The following ARID5B variants were observed in gnomAD, a reference collection of about 807,000 sequenced individuals.
ARID5B encodes the protein AT-rich interaction domain 5B.
ARID5B carries 13 observed loss-of-function variants against 97.2 expected under a neutral mutation model. The ratio of observed to expected loss-of-function variants is 0.13; its 90% CI spans 0.09 to 0.21. ARID5B has a LOEUF of 0.21. Among genes scored for constraint, ARID5B ranks in the 10% least tolerant of loss-of-function variants. The probability of loss-of-function intolerance (pLI) is 1.00; values close to 1 mark genes in which losing one functional copy is unlikely to be tolerated. For synonymous variants in ARID5B, 556 were observed against 570.3 expected, an observed-to-expected ratio of 0.97 and a Z score of 0.36; for missense variants, 1,210 against 1,465.3, an observed-to-expected ratio of 0.83 and a Z score of 2.84.
chr10:61,930,845 G>T (rs1844197630), intron 2 of ARID5B, among the ~76,000 whole-genome samples: 2 of 151,992 alleles, frequency 1.3e-5, no homozygotes. Flanking sequence ...CTCCTTTTGG[G>T]AACTGAGTAT....
intron 8 of ARID5B, among the ~76,000 whole-genome samples, chr10:62,075,134 G>C (rs983487616): frequency 1.3e-5 from 2 of 152,174 alleles, no homozygotes; most frequent in African/African-American, 4.8e-5. Context: ...ATGAGTGCAG[G>C]GGCCACGGCT....
intron 4 of ARID5B, among the ~76,000 whole-genome samples, chr10:62,004,936 G>A (rs1160282999): frequency 6.6e-6 from 1 of 152,182 alleles, no homozygotes; most frequent in East Asian, 1.9e-4. Flanking sequence ...AATTATTCAA[G>A]GTGTGTGGTA....
At position 62,057,271 on chromosome 10, in the gene ARID5B, A is replaced by G. The variant is rs1839869516; in HGVS notation, c.1001A>G (p.Glu334Gly). 1 of 1,613,800 alleles carries G rather than the reference A, an allele frequency of 6.2e-7. No homozygotes were observed. The highest frequency in any genetic ancestry group is 1.7e-5 in the Admixed American group (1 of 60,002). The change falls in exon 6 of 10, where the codon GAA (glutamate) becomes GGA (glycine). Residue 334 changes from glutamate (E) to glycine (G), a missense_variant. By Grantham distance (98) the Glu-to-Gly change is moderately conservative. Around this residue, in one of 8 missense-constraint regions of ARID5B, gnomAD observed 59 missense variants for 156.7 expected, o/e 0.38. Transcript: ENST00000279873. ...GTGGCACTTTATAAATACATGAAAG[A>G]AAGGAAAACGCCGATAGAACGAATA... The part of the protein sequence containing the change: ...FLVALYKYMK[E>G]RKTPIERIPY...
At chr10:61,990,637 C>T (rs1416767861) in intron 3 of ARID5B, among the ~76,000 whole-genome samples, 2 of 152,204 alleles carry the variant, frequency 1.3e-5, no homozygotes, top group African/African-American at 4.8e-5. Context: ...AGGATATATT[C>T]TAGTTGTGGA....
chr10:62,041,285 A>G (rs1839634390), intron 4 of ARID5B, among the ~76,000 whole-genome samples: 1 of 152,184 alleles, frequency 6.6e-6, no homozygotes, highest in Non-Finnish European at 1.5e-5. Flanking sequence ...ACCTGCACAA[A>G]CAAATGAAGC....
chr10:62,036,443 C>G (rs1488783207), intron 4 of ARID5B, among the ~76,000 whole-genome samples: 1 of 152,160 alleles, frequency 6.6e-6, no homozygotes, highest in Non-Finnish European at 1.5e-5. Flanking sequence ...AGAGCACTTT[C>G]CTGATGGCTT....
chr10:62,077,869 C>G (rs1299047558), intron 8 of ARID5B, among the ~76,000 whole-genome samples: 2 of 151,942 alleles, frequency 1.3e-5, no homozygotes, highest in African/African-American at 4.8e-5. Flanking sequence ...GATGCCTTCA[C>G]AAAGGAACTA....
rs551554473 is a variant in ARID5B, at chr10:61,989,075, A to G, written c.503-11016A>G. On this transcript the variant is annotated intron_variant, in intron 3 of 9. Coordinates refer to ENST00000279873, the MANE Select transcript of ARID5B (RefSeq NM_032199.3). The stretch of plus-strand genomic sequence containing the variant: ...CTCCCAAGTAGCTGGGACTACAGGC[A>G]TGTGCCACCATGCCTGGCTAATTTT... Among the ~76,000 whole-genome samples, 218 of 151,570 alleles carry G rather than the reference A, an allele frequency of 1.4e-3. 6 individuals carry two copies. In the South Asian group the frequency reaches 0.044, roughly 30 times the overall value.
Position 62,092,086 on chromosome 10 carries a change from C to T in ARID5B, c.2623C>T (p.His875Tyr). 6.2e-7 allele frequency: 1 copy of T among 1,613,648 alleles called. No individual in the cohort carries two copies. The highest frequency in any genetic ancestry group is 1.1e-5 in the South Asian group (1 of 91,008). The change falls in exon 10 of 10, where the codon CAC (histidine) becomes TAC (tyrosine). Residue 875 changes from histidine to tyrosine, a missense_variant. Transcript: ENST00000279873. ...SENSSFPSHR[H>Y]QEKLHVNYLT... is the part of the protein sequence containing the mutation. ...AAACAGTTCTTTTCCTTCCCACAGA[C>T]ACCAAGAAAAGCTCCATGTAAATTA...
At chr10:61,974,601 G>A (rs1838674423) in intron 3 of ARID5B, among the ~76,000 whole-genome samples, 2 of 152,112 alleles carry the variant, frequency 1.3e-5, no homozygotes, top group South Asian at 4.1e-4. Context: ...TGGATAAAAA[G>A]TACAGCTTTA....
Position 62,000,088 on chromosome 10 carries a change from T to C in ARID5B, c.503-3T>C, listed in dbSNP as rs1236676782. Reference sequence around the variant, plus strand: ...TAATGGAAGTGTTTTCTCGTTTGTCTAGGGGAGGACGAGGAAGAAACGAAC... The same window carrying C: ...TAATGGAAGTGTTTTCTCGTTTGTCCAGGGGAGGACGAGGAAGAAACGAAC... On this transcript the variant is annotated splice_polypyrimidine_tract_variant and splice_region_variant and intron_variant, in intron 3 of 9. Transcript: ENST00000279873. This position sits in a 1 kb window ranked among gnomAD's most constrained non-coding sequence, Gnocchi z 4.4. 2 of 1,613,714 alleles carry C rather than the reference T, an allele frequency of 1.2e-6. No individual in the cohort carries two copies. Among genetic ancestry groups the C allele is most frequent in the Non-Finnish European group, 1.7e-6 (2 of 1,179,718 alleles).
chr10:62,016,326 T>C (rs1262023947), intron 4 of ARID5B, among the ~76,000 whole-genome samples: 1 of 152,216 alleles, frequency 6.6e-6, no homozygotes, highest in African/African-American at 2.4e-5. Flanking sequence ...ACCTCTGATA[T>C]AGACCAATGA....
rs147405030 is a variant in ARID5B at position 62,020,066 on chromosome 10, G to T, written c.733+19745G>T. ...AAAGAGGCTACCCTAACTTTCTGGC[G>T]AGGAGTCTTGAGTAGAAGGGAGGTG... is the stretch of plus-strand genomic sequence containing the variant. On this transcript the variant is annotated intron_variant, in intron 4 of 9. Transcript: ENST00000279873. Among the ~76,000 whole-genome samples, 240 of 152,220 alleles carry T rather than the reference G, an allele frequency of 1.6e-3. 1 individual carries two copies. The highest frequency in any genetic ancestry group is 5.4e-3 in the African/African-American group (224 of 41,524).
chr10:61,971,058 AC>A (rs1393483161), intron 3 of ARID5B, among the ~76,000 whole-genome samples: 1 of 151,712 alleles, frequency 6.6e-6, no homozygotes, highest in African/African-American at 2.4e-5. Context: ...TAAAATAGAG[AC>A]CCTGAAACAG....
chr10:62,016,770 A>G (rs78538882), intron 4 of ARID5B, among the ~76,000 whole-genome samples: 3,500 of 152,116 alleles, frequency 0.023, 201 homozygotes, highest in Admixed American at 0.14. Flanking sequence ...ACTATTTTCA[A>G]CTCCTGTTAG....
At chr10:61,925,369 ATCT>A (rs2132775558) in intron 2 of ARID5B, among the ~76,000 whole-genome samples, 1 of 152,156 alleles carries the variant, frequency 6.6e-6, no homozygotes, top group African/African-American at 2.4e-5. Flanking sequence ...GGGCTCATTT[ATCT>A]TCTTTGTTAA....
At position 62,049,202 on chromosome 10, in the gene ARID5B, G is replaced by T. The variant is rs1589274108; in HGVS notation, c.734-1686G>T. 4 of 1,320,010 alleles carry T rather than the reference G, an allele frequency of 3.0e-6. No homozygotes were observed. The East Asian group carries it at 1.2e-4, about 41-fold the overall frequency. The allele number at this position is 1,320,010 out of a possible 1,614,324, so 81.8% of individuals were successfully genotyped here. A position where few individuals can be genotyped will look rare whatever the true frequency, so the allele number is the denominator to read the frequency against. ...AATCACCATCTCCGTGCGGGGAGGT[G>T]GAGAGAGCAGAGCCCTCCCTGCCAG... On this transcript the variant is annotated intron_variant, in intron 4 of 9. Coordinates refer to ENST00000279873, the MANE Select transcript of ARID5B (RefSeq NM_032199.3).
chr10:61,982,340 C>T (rs1838788159), intron 3 of ARID5B, among the ~76,000 whole-genome samples: 1 of 152,180 alleles, frequency 6.6e-6, no homozygotes, highest in Non-Finnish European at 1.5e-5. Context: ...CCCTTTTCTT[C>T]TTGGCCTCCT....
intron 3 of ARID5B, among the ~76,000 whole-genome samples, chr10:61,960,437 T>G (rs1268056198): frequency 6.6e-6 from 1 of 152,210 alleles, no homozygotes; most frequent in Non-Finnish European, 1.5e-5. Context: ...AGGATTCTTT[T>G]GGAAGCCTTT....
Sources: allele counts gnomAD v4.1 joint callset (sites outside exome capture counted in the v4.1 genomes callset), GRCh38; gene constraint gnomAD v4.1.1; regional missense constraint gnomAD v4.1.1; non-coding constraint Gnocchi (gnomAD v3.1); transcripts MANE v1.5; gene names NCBI Gene and HGNC (gene_info 2026-07-23, HGNC 2026-07-21).